IL1RAPL1: variants seen among roughly 807,000 people sequenced by gnomAD.
IL1RAPL1 encodes the protein interleukin 1 receptor accessory protein like 1.
Under a neutral mutation model 48.4 loss-of-function variants are expected in IL1RAPL1, and 3 were observed. The ratio of observed to expected loss-of-function variants is 0.06; its 90% CI spans 0.03 to 0.16. IL1RAPL1 has a LOEUF of 0.16. Ranked by LOEUF, IL1RAPL1 falls within the 10% of genes least tolerant of loss-of-function variation. The pLI, the probability that IL1RAPL1 is intolerant of heterozygous loss-of-function variation, is 1.00. For synonymous variants in IL1RAPL1, 185 were observed against 187.7 expected, an observed-to-expected ratio of 0.99 and a Z score of 0.12; for missense variants, 349 against 530.6, an observed-to-expected ratio of 0.66 and a Z score of 3.36.
intron 2 of IL1RAPL1, among the ~76,000 whole-genome samples, chrX:29,061,220 G>C (rs1376688919): frequency 9.0e-6 from 1 of 111,453 alleles, no homozygotes; most frequent in Non-Finnish European, 1.9e-5. Flanking sequence ...TTCTTAAAGA[G>C]ATTCACAAAC....
intron 6 of IL1RAPL1, among the ~76,000 whole-genome samples, chrX:29,696,121 G>A (rs1380022684): frequency 9.0e-6 from 1 of 110,704 alleles, no homozygotes; most frequent in East Asian, 2.8e-4. Context: ...TGTTGGGAGG[G>A]GTTATATACT....
chrX:29,613,712 C>CGTGTGTGTGT (rs753582133), intron 5 of IL1RAPL1, among the ~76,000 whole-genome samples: 3 of 58,814 alleles, frequency 5.1e-5, no homozygotes, highest in South Asian at 1.5e-3. Context: ...GGGTTTTTTT[C>CGTGTGTGTGT]GTGTGTGTGT....
intron 3 of IL1RAPL1, among the ~76,000 whole-genome samples, chrX:29,359,218 A>C (rs1322151889): frequency 2.7e-5 from 3 of 111,497 alleles, no homozygotes; most frequent in Admixed American, 1.9e-4. Context: ...CCTTACTTTC[A>C]TTATTTTAGC....
At position 28,619,650 on chromosome X, in the gene IL1RAPL1, G is replaced by A. The variant is rs1194463173; in HGVS notation, c.-25+31603G>A. ...AAGATAAAAAAAATTGTTTAACTGA[G>A]TTGTGCCGCACAAATACCAATGGTT... On this transcript the variant is annotated intron_variant, in intron 1 of 10. Transcript: ENST00000378993. 2.8e-5 allele frequency among the ~76,000 whole-genome samples: 3 copies of A among 108,442 alleles called. No individual in the cohort carries two copies. In the East Asian group the frequency reaches 8.7e-4, roughly 31 times the overall value. 94.2% of individuals were successfully genotyped at this position (108,442 alleles called of 115,157 possible).
chrX:28,638,924 C>T (rs1237746057), intron 1 of IL1RAPL1, among the ~76,000 whole-genome samples: 1 of 111,234 alleles, frequency 9.0e-6, no homozygotes, highest in East Asian at 2.8e-4. Flanking sequence ...TTTTTCTTGA[C>T]GTCAGACCAT....
intron 2 of IL1RAPL1, among the ~76,000 whole-genome samples, chrX:28,853,495 A>ACGCG (rs1921724984): frequency 3.2e-5 from 3 of 93,336 alleles, no homozygotes; most frequent in African/African-American, 1.1e-4. Flanking sequence ...GTGCGCGCGC[A>ACGCG]CACACACACA....
At chrX:29,299,059 G>GA (rs1295791637) in intron 3 of IL1RAPL1, among the ~76,000 whole-genome samples, 80 of 101,376 alleles carry the variant, frequency 7.9e-4, no homozygotes, top group South Asian at 2.6e-3. Flanking sequence ...AAAGCAGGCA[G>GA]AAAAAAAAAA....
intron 3 of IL1RAPL1, among the ~76,000 whole-genome samples, chrX:29,362,784 A>G (rs1260200162): frequency 8.9e-6 from 1 of 112,114 alleles, no homozygotes; most frequent in African/African-American, 3.2e-5. Flanking sequence ...CCTATTGCTC[A>G]TCGGAGTGAT....
At chrX:29,833,883 C>T (rs891734135) in intron 6 of IL1RAPL1, among the ~76,000 whole-genome samples, 6 of 111,607 alleles carry the variant, frequency 5.4e-5, no homozygotes, top group African/African-American at 9.8e-5. Flanking sequence ...AAATAGGATC[C>T]ATGTTTCATC....
chrX:29,024,069 G>A (rs948953516), intron 2 of IL1RAPL1, among the ~76,000 whole-genome samples: 4 of 111,604 alleles, frequency 3.6e-5, no homozygotes, highest in Non-Finnish European at 7.5e-5. Context: ...TTATCAAAGA[G>A]CACTATGAAG....
chrX:28,919,540 G>C (rs1362946526), intron 2 of IL1RAPL1, among the ~76,000 whole-genome samples: 1 of 111,877 alleles, frequency 8.9e-6, no homozygotes, highest in Non-Finnish European at 1.9e-5. Context: ...ACTTGTGTTT[G>C]AATTCTAGTT....
intron 3 of IL1RAPL1, among the ~76,000 whole-genome samples, chrX:29,381,833 A>AAAAAT (rs1365599735): frequency 6.3e-4 from 16 of 25,383 alleles, no homozygotes; most frequent in Admixed American, 1.2e-3. Flanking sequence ...AAAAAAAAAA[A>AAAAAT]ATATATATAT....
At position 29,134,858 on chromosome X, in the gene IL1RAPL1, G is replaced by A. The variant is rs185977226; in HGVS notation, c.83-148080G>A. ...ATAAAGAATGATATACTGGACTAAC[G>A]TATACCTATCACACAGTCCCAGCCA... is the stretch of plus-strand genomic sequence containing the variant. On this transcript the variant is annotated intron_variant, in intron 2 of 10. Coordinates refer to ENST00000378993, the MANE Select transcript of IL1RAPL1 (RefSeq NM_014271.4). Among the ~76,000 whole-genome samples, 782 of 111,317 alleles carry A rather than the reference G, an allele frequency of 7.0e-3. 3 individuals carry two copies. Among genetic ancestry groups the A allele is most frequent in the Middle Eastern group, 0.014 (3 of 215 alleles).
At chrX:29,120,561 A>C (rs923926071) in intron 2 of IL1RAPL1, among the ~76,000 whole-genome samples, 2 of 111,657 alleles carry the variant, frequency 1.8e-5, no homozygotes, top group African/African-American at 6.5e-5. Context: ...TATAGTTTGA[A>C]GTTAGGTAAT....
intron 1 of IL1RAPL1, among the ~76,000 whole-genome samples, chrX:28,672,633 A>T (rs1034420487): frequency 2.7e-5 from 3 of 110,568 alleles, no homozygotes; most frequent in Non-Finnish European, 5.7e-5. Flanking sequence ...CCTCATATCT[A>T]CCACCTGCTT....
intron 2 of IL1RAPL1, among the ~76,000 whole-genome samples, chrX:28,946,854 T>A (rs966713847): frequency 2.1e-4 from 24 of 111,750 alleles, no homozygotes; most frequent in African/African-American, 7.1e-4. Flanking sequence ...GTGCTATTTG[T>A]TTATATTTAT....
At chrX:29,850,726 C>T (rs1262930434) in intron 6 of IL1RAPL1, among the ~76,000 whole-genome samples, 2 of 112,386 alleles carry the variant, frequency 1.8e-5, no homozygotes, top group African/African-American at 6.5e-5. Context: ...CTCAGTTCAC[C>T]CTTCAGCCAG....
intron 2 of IL1RAPL1, among the ~76,000 whole-genome samples, chrX:29,166,452 T>G (rs754978749): frequency 3.8e-4 from 42 of 111,832 alleles, no homozygotes; most frequent in African/African-American, 1.3e-3. Context: ...AAATCTCCCT[T>G]GAATCTCTGC....
intron 2 of IL1RAPL1, among the ~76,000 whole-genome samples, chrX:28,818,441 A>G (rs948287015): frequency 1.8e-5 from 2 of 111,068 alleles, no homozygotes; most frequent in African/African-American, 3.3e-5. Context: ...TAAAACTGGC[A>G]GTAAAGATGG....
Sources: allele counts gnomAD v4.1 joint callset (sites outside exome capture counted in the v4.1 genomes callset), GRCh38; gene constraint gnomAD v4.1.1; transcripts MANE v1.5; gene names NCBI Gene and HGNC (gene_info 2026-07-23, HGNC 2026-07-21).